DOCK4: variants seen among roughly 807,000 people sequenced by gnomAD.
DOCK4 encodes dedicator of cytokinesis protein 4.
Under a neutral mutation model 268.1 loss-of-function variants are expected in DOCK4, and 97 were observed. The observed-to-expected ratio is 0.36, with a 90% confidence interval of 0.31 to 0.43. DOCK4 has a LOEUF of 0.43. Ranked by LOEUF, DOCK4 falls within the 20% of genes least tolerant of loss-of-function variation. DOCK4 has a pLI of 1.00. For synonymous variants in DOCK4, 954 were observed against 887.2 expected, an observed-to-expected ratio of 1.08 and a Z score of -1.34; for missense variants, 2,145 against 2,455.7, an observed-to-expected ratio of 0.87 and a Z score of 2.67.
intron 12 of DOCK4, among the ~76,000 whole-genome samples, chr7:111,920,686 G>T (rs1292573507): frequency 6.6e-6 from 1 of 152,076 alleles, no homozygotes; most frequent in Non-Finnish European, 1.5e-5. Context: ...GTAACTTATG[G>T]CTTGAGAGGA....
chr7:112,103,572 CTATATAGAATTTTAAAAAT>C (rs1262688486), intron 1 of DOCK4, among the ~76,000 whole-genome samples: 1 of 152,156 alleles, frequency 6.6e-6, no homozygotes, highest in African/African-American at 2.4e-5. Flanking sequence ...GAAAGATGAT[CTATATAGAATTTTAAAAAT>C]CATAAACAGT....
intron 1 of DOCK4, among the ~76,000 whole-genome samples, chr7:112,049,024 C>G (rs1370011265): frequency 6.6e-6 from 1 of 151,952 alleles, no homozygotes; most frequent in African/African-American, 2.4e-5. Flanking sequence ...ACCAGCAGAA[C>G]AGCATTACAA....
chr7:111,758,877 A>T, intron 40 of DOCK4, 87 bp from the exon 41 acceptor site: 1 of 1,203,620 alleles, frequency 8.3e-7, no homozygotes, highest in South Asian at 1.4e-5. Flanking sequence ...AGAGAAGAGG[A>T]TGGGTAACAA....
intron 1 of DOCK4, among the ~76,000 whole-genome samples, chr7:112,107,098 T>C (rs1370417763): frequency 6.6e-6 from 1 of 152,266 alleles, no homozygotes; most frequent in Non-Finnish European, 1.5e-5. Context: ...ATGGGCATTA[T>C]ATTAAGACTT....
chr7:111,855,693 C>T (rs1804943401), intron 23 of DOCK4, among the ~76,000 whole-genome samples: 1 of 152,164 alleles, frequency 6.6e-6, no homozygotes, highest in African/African-American at 2.4e-5. Context: ...TTCCCTGCTA[C>T]ATGGCACCCT....
intron 28 of DOCK4, among the ~76,000 whole-genome samples, chr7:111,809,907 C>A (rs1374101368): frequency 6.6e-6 from 1 of 151,392 alleles, no homozygotes; most frequent in Non-Finnish European, 1.5e-5. Context: ...ATTCCCTGCC[C>A]AGGCAAATCT....
At chr7:111,787,740 C>T (rs1799273291) in intron 32 of DOCK4, among the ~76,000 whole-genome samples, 1 of 152,126 alleles carries the variant, frequency 6.6e-6, no homozygotes, top group African/African-American at 2.4e-5. Context: ...TTAGGTGATA[C>T]TTGGGCATAA....
chr7:112,033,557 C>T (rs1173899738), intron 1 of DOCK4, among the ~76,000 whole-genome samples: 1 of 152,184 alleles, frequency 6.6e-6, no homozygotes, highest in African/African-American at 2.4e-5. Context: ...AAACCTTACC[C>T]TCTTTTAGGC....
intron 1 of DOCK4, among the ~76,000 whole-genome samples, chr7:112,063,399 A>C (rs1444108628): frequency 2.0e-5 from 3 of 152,232 alleles, no homozygotes; most frequent in Non-Finnish European, 4.4e-5. Flanking sequence ...AAATGCATTT[A>C]ATACACTTAA....
chr7:112,057,511 A>G (rs143076213), intron 1 of DOCK4, among the ~76,000 whole-genome samples: 1 of 152,046 alleles, frequency 6.6e-6, no homozygotes, highest in African/African-American at 2.4e-5. Flanking sequence ...TGATGGCACC[A>G]CTGCACTCCA....
At chr7:111,748,513 A>T (rs1796424241) in intron 42 of DOCK4, among the ~76,000 whole-genome samples, 1 of 152,136 alleles carries the variant, frequency 6.6e-6, no homozygotes, top group Non-Finnish European at 1.5e-5. Flanking sequence ...AAATAATGAA[A>T]AGGTGTTGGG....
At position 111,728,100 on chromosome 7, in the gene DOCK4, T is replaced by G; in HGVS notation, c.*174A>C. On this transcript the variant is annotated 3_prime_UTR_variant, in exon 53 of 53. Coordinates refer to ENST00000428084, the MANE Select transcript of DOCK4 (RefSeq NM_001363540.2). The stretch of plus-strand genomic sequence containing the variant: ...CCATACTTCATTTAACATCTGGCGT[T>G]TTAGATCAGCAACTTTTAATATTGT... 1 of 477,174 alleles carries G rather than the reference T, an allele frequency of 2.1e-6. No homozygotes were observed. Among genetic ancestry groups the G allele is most frequent in the Non-Finnish European group, 3.4e-6 (1 of 296,620 alleles). 29.6% of individuals were successfully genotyped at this position (477,174 alleles called of 1,614,324 possible).
chr7:111,921,165 A>G (rs1369924650), intron 12 of DOCK4, among the ~76,000 whole-genome samples: 1 of 152,244 alleles, frequency 6.6e-6, no homozygotes, highest in Admixed American at 6.5e-5. Flanking sequence ...GAACTTTCAC[A>G]TCAGCCTAGA....
At chr7:112,200,724 A>AT (rs1303004665) in intron 1 of DOCK4, among the ~76,000 whole-genome samples, 71 of 98,486 alleles carry the variant, frequency 7.2e-4, no homozygotes, top group African/African-American at 3.6e-3. Context: ...AGCCTCTAAA[A>AT]TAAAAAAAAA....
intron 1 of DOCK4, among the ~76,000 whole-genome samples, chr7:112,138,916 T>C: frequency 6.6e-6 from 1 of 152,190 alleles, no homozygotes; most frequent in Non-Finnish European, 1.5e-5. Flanking sequence ...GCCTGCATTA[T>C]AATTTCAACT....
chr7:111,939,949 T>C (rs1215972149), intron 11 of DOCK4, among the ~76,000 whole-genome samples, 161 bp downstream of exon 11: 1 of 152,144 alleles, frequency 6.6e-6, no homozygotes, highest in East Asian at 1.9e-4. Flanking sequence ...TTGTGGCTTG[T>C]AGGCTCACTT....
chr7:112,042,310 G>A (rs142408869), intron 1 of DOCK4, among the ~76,000 whole-genome samples: 99 of 152,254 alleles, frequency 6.5e-4, no homozygotes, highest in African/African-American at 2.0e-3. Flanking sequence ...ACCAGGAGAC[G>A]AAGACATTGT....
intron 6 of DOCK4, among the ~76,000 whole-genome samples, chr7:111,985,187 C>T (rs564954386): frequency 1.3e-4 from 20 of 152,228 alleles, no homozygotes; most frequent in South Asian, 8.3e-4. Flanking sequence ...TCCAGGGCAC[C>T]CACGGTACAA....
intron 1 of DOCK4, among the ~76,000 whole-genome samples, chr7:112,070,890 G>A (rs573299782): frequency 8.1e-4 from 124 of 152,284 alleles, no homozygotes; most frequent in Admixed American, 4.8e-3. Flanking sequence ...AGCTGGTGTC[G>A]TGTACATGGC....
Sources: allele counts gnomAD v4.1 joint callset (sites outside exome capture counted in the v4.1 genomes callset), GRCh38; gene constraint gnomAD v4.1.1; transcripts MANE v1.5; gene names NCBI Gene and HGNC (gene_info 2026-07-23, HGNC 2026-07-21).